The following PTPN21 variants were observed in gnomAD, a reference collection of about 807,000 sequenced individuals.
PTPN21 encodes the protein tyrosine-protein phosphatase non-receptor type 21.
In PTPN21, 77 loss-of-function variants were observed where a neutral mutation model predicts 131.8. The observed-to-expected ratio is 0.58, with a 90% CI of 0.49 to 0.71. The LOEUF (loss-of-function observed/expected upper bound fraction) is 0.71, where lower values mean the gene tolerates loss of function less well. PTPN21 is among the 30% of genes least tolerant of loss of function. PTPN21 has a pLI of 0.00. For synonymous variants in PTPN21, 715 were observed against 621.3 expected, an observed-to-expected ratio of 1.15 and a Z score of -2.24; for missense variants, 1,552 against 1,527.1, an observed-to-expected ratio of 1.02 and a Z score of -0.27.
At chr14:88,516,390 G>A (rs1405572086) in intron 3 of PTPN21, among the ~76,000 whole-genome samples, 18 of 151,980 alleles carry the variant, frequency 1.2e-4, no homozygotes, top group Admixed American at 9.8e-4. Flanking sequence ...CTTCATTTTT[G>A]AACATATTTA....
intron 2 of PTPN21, among the ~76,000 whole-genome samples, chr14:88,540,931 A>G (rs2078696412): frequency 1.3e-5 from 2 of 152,162 alleles, no homozygotes; most frequent in Admixed American, 1.3e-4. Flanking sequence ...TCAAAGTGCT[A>G]TGATTACAGG....
Position 88,479,712 on chromosome 14 carries a change from C to T in PTPN21, c.1719G>A (p.Arg573=), listed in dbSNP as rs1168686086. 5 of 501,266 alleles carry T rather than the reference C, an allele frequency of 1.0e-5. No individual in the cohort carries two copies. The highest frequency in any genetic ancestry group is 1.7e-5 in the Non-Finnish European group (5 of 299,946). 31.1% of individuals were successfully genotyped at this position (501,266 alleles called of 1,614,324 possible). A position where few individuals can be genotyped will look rare whatever the true frequency, so the allele number is the denominator to read the frequency against. The change falls in exon 13 of 19, where the codon AGG becomes AGA. Residue 573 remains arginine (R), a synonymous_variant. Transcript: ENST00000556564. The stretch of plus-strand genomic sequence containing the variant: ...ACAGGTCTGGCGTGCTGTTGGCGGG[C>T]CTGGGGGGCGGGTAGGGTGGGGGTG... The part of the protein sequence containing the change: ...YRPPPPYPPP[R]PANSTPDLSR...
Position 88,493,071 on chromosome 14 carries a change from T to C in PTPN21, c.932+3342A>G, listed in dbSNP as rs1296875232. 16 of 456,622 alleles carry C rather than the reference T, an allele frequency of 3.5e-5. 1 individual carries two copies. The highest frequency in any genetic ancestry group is 8.0e-5 in the African/African-American group (4 of 50,196). The allele number at this position is 456,622 out of a possible 1,614,324, so 28.3% of individuals were successfully genotyped here. On this transcript the variant is annotated intron_variant, in intron 10 of 18. Transcript: ENST00000556564. ...CGAGTCTTGCTGCTCCACTTACTAG[T>C]TGTGTGGCAGGGCAAGACATTTCAC...
chr14:88,479,011 T>G lies in PTPN21; in HGVS notation c.2420A>C (p.Tyr807Ser), dbSNP rs762908850. Residue 807 changes from tyrosine (Y) to serine (S), a missense_variant, in exon 13 of 19, where the codon TAC becomes TCC. By Grantham distance (144) the Tyr-to-Ser change is moderately radical. This residue lies in a region of PTPN21 where 1,016 missense variants were observed against 883.5 expected (regional missense o/e 1.15). Coordinates refer to ENST00000556564, the MANE Select transcript of PTPN21 (RefSeq NM_007039.4). ...SESDLTTSGR[Y>S]RARRDSLKKR... is the part of the protein sequence containing the mutation. Reference sequence around the variant, plus strand: ...CTTCAGAGAGTCCCTCCGGGCTCGGTAGCGGCCTGACGTGGTGAGGTCGGA... The same window carrying G: ...CTTCAGAGAGTCCCTCCGGGCTCGGGAGCGGCCTGACGTGGTGAGGTCGGA... The G allele has an allele frequency of 3.7e-6, 6 of 1,603,514 alleles. No homozygotes were observed. Among genetic ancestry groups the G allele is most frequent in the Non-Finnish European group, 5.1e-6 (6 of 1,175,688 alleles).
rs2077425281 is a variant in PTPN21, at chr14:88,469,645, G to A, written c.3089C>T (p.Thr1030Ile). Reference protein sequence around the residue: ...TVTYGRFKITTRFRTDSGCYA... With the variant: ...TVTYGRFKITIRFRTDSGCYA... Reference sequence around the variant, plus strand: ...GCAGCCAGAGTCTGTGCGGAACCGGGTCGTGATCTTAAACCTTCCATAGGT... The same window carrying A: ...GCAGCCAGAGTCTGTGCGGAACCGGATCGTGATCTTAAACCTTCCATAGGT... The change falls in exon 17 of 19, where the codon ACC (threonine) becomes ATC (isoleucine). Residue 1030 changes from threonine (T) to isoleucine (I), a missense_variant. Thr to Ile is a moderately conservative substitution (Grantham distance 89). This residue lies in a region of PTPN21 where 316 missense variants were observed against 378.5 expected (regional missense o/e 0.83). Transcript: ENST00000556564. The surrounding 1 kb of genome is among the most constrained non-coding windows in gnomAD (Gnocchi z 4.3). 6.2e-7 allele frequency: 1 copy of A among 1,614,058 alleles called. No homozygotes were observed. The highest frequency in any genetic ancestry group is 1.3e-5 in the African/African-American group (1 of 74,908).
intron 14 of PTPN21, among the ~76,000 whole-genome samples, chr14:88,473,200 T>C (rs925349021): frequency 2.0e-5 from 3 of 152,202 alleles, no homozygotes; most frequent in Non-Finnish European, 4.4e-5. Flanking sequence ...GATCCCGTTG[T>C]AAAGCAAATG....
At chr14:88,549,166 T>C (rs1037115838) in intron 2 of PTPN21, among the ~76,000 whole-genome samples, 6 of 152,196 alleles carry the variant, frequency 3.9e-5, no homozygotes, top group African/African-American at 1.4e-4. Flanking sequence ...GAGCCGGACA[T>C]GGTGGCACAT....
chr14:88,508,649 G>A (rs1339626551), intron 3 of PTPN21, among the ~76,000 whole-genome samples: 2 of 152,078 alleles, frequency 1.3e-5, no homozygotes, highest in Non-Finnish European at 2.9e-5. Flanking sequence ...GAAAGCCAGT[G>A]GCTAATCTTT....
rs563697484 is a variant in PTPN21 at position 88,534,390 on chromosome 14, A to C, written c.180+15848T>G. On this transcript the variant is annotated intron_variant, in intron 2 of 18. Coordinates refer to ENST00000556564, the MANE Select transcript of PTPN21 (RefSeq NM_007039.4). Reference sequence around the variant, plus strand: ...AAAGTAAGACTGTCTCAAAAGAAAAAAAAAAAAGTTTAAAAAGTAAAAAAC... The same window carrying C: ...AAAGTAAGACTGTCTCAAAAGAAAACAAAAAAAGTTTAAAAAGTAAAAAAC... Among the ~76,000 whole-genome samples, 8 of 152,192 alleles carry C rather than the reference A, an allele frequency of 5.3e-5. No individual in the cohort carries two copies. In the Middle Eastern group the frequency reaches 0.01, roughly 194 times the overall value.
At chr14:88,521,944 G>C (rs1401393328) in intron 2 of PTPN21, among the ~76,000 whole-genome samples, 4 of 152,220 alleles carry the variant, frequency 2.6e-5, no homozygotes, top group Non-Finnish European at 5.9e-5. Flanking sequence ...AGCACATTCT[G>C]AAAGGAAAAC....
At chr14:88,541,284 A>G (rs1245530635) in intron 2 of PTPN21, among the ~76,000 whole-genome samples, 2 of 152,242 alleles carry the variant, frequency 1.3e-5, no homozygotes, top group Non-Finnish European at 2.9e-5. Flanking sequence ...TGTTCTGTCA[A>G]TTCATTAAAA....
At chr14:88,549,565 C>A (rs1232410098) in intron 2 of PTPN21, among the ~76,000 whole-genome samples, 1 of 152,098 alleles carries the variant, frequency 6.6e-6, no homozygotes, top group Non-Finnish European at 1.5e-5. Context: ...GAACACACAG[C>A]CAGCATGCGG....
In PTPN21 at chr14:88,480,303, T is replaced by C; in HGVS notation, c.1128A>G (p.Thr376=). Residue 376 remains threonine (T), a synonymous_variant, in exon 13 of 19, where the codon ACA becomes ACG. Transcript: ENST00000556564. ...GGTCAATCTGGGCTCTATCCAAGCT[T>C]GTCTGAGAGTGACAGTAGTATCCGT... is the stretch of plus-strand genomic sequence containing the variant. ...NQNGYYCHSQ[T]SLDRAQIDLN... is the part of the protein sequence containing the mutation. The C allele has an allele frequency of 1.2e-6, 2 of 1,614,202 alleles. No individual in the cohort carries two copies. Among genetic ancestry groups the C allele is most frequent in the Non-Finnish European group, 1.7e-6 (2 of 1,180,016 alleles).
rs549122356 is a variant in PTPN21, at chr14:88,499,712, G to A, written c.764+1071C>T. ...CATGATAAGCACTCAACAAATGGTA[G>A]ACACAAAGGAACCAAAAAACAGAAG... On this transcript the variant is annotated intron_variant, in intron 8 of 18. Coordinates refer to ENST00000556564, the MANE Select transcript of PTPN21 (RefSeq NM_007039.4). Among the ~76,000 whole-genome samples, 3 of 152,258 alleles carry A rather than the reference G, an allele frequency of 2.0e-5. No individual in the cohort carries two copies. The East Asian group carries it at 5.8e-4, about 29-fold the overall frequency.
intron 14 of PTPN21, among the ~76,000 whole-genome samples, chr14:88,473,209 T>C (rs1020376400): frequency 5.9e-5 from 9 of 152,150 alleles, no homozygotes; most frequent in Non-Finnish European, 1.0e-4. Context: ...GTAAAGCAAA[T>C]GTATGCCTAT....
intron 2 of PTPN21, among the ~76,000 whole-genome samples, chr14:88,542,789 T>C (rs2078724323): frequency 6.6e-6 from 1 of 152,214 alleles, no homozygotes; most frequent in South Asian, 2.1e-4. Flanking sequence ...GGTGTTAGAC[T>C]TGGGAAAGCT....
intron 2 of PTPN21, among the ~76,000 whole-genome samples, chr14:88,549,245 C>A (rs2078825052): frequency 6.6e-6 from 1 of 152,114 alleles, no homozygotes; most frequent in Non-Finnish European, 1.5e-5. Context: ...CTAGACCTAC[C>A]TTGACTCTAA....
chr14:88,474,883 G>T (rs2077526479), intron 13 of PTPN21, among the ~76,000 whole-genome samples: 1 of 152,148 alleles, frequency 6.6e-6, no homozygotes, highest in Non-Finnish European at 1.5e-5. Flanking sequence ...GCCGAGGTCA[G>T]GAGATTGAGA....
intron 10 of PTPN21, among the ~76,000 whole-genome samples, chr14:88,488,237 GC>G (rs1214097398): frequency 3.3e-5 from 5 of 152,108 alleles, no homozygotes; most frequent in African/African-American, 1.2e-4. Flanking sequence ...CCAGCCTGGG[GC>G]AAAAATAAAA....
Sources: allele counts gnomAD v4.1 joint callset (sites outside exome capture counted in the v4.1 genomes callset), GRCh38; gene constraint gnomAD v4.1.1; regional missense constraint gnomAD v4.1.1; non-coding constraint Gnocchi (gnomAD v3.1); transcripts MANE v1.5; gene names NCBI Gene and HGNC (gene_info 2026-07-23, HGNC 2026-07-21).